The following MIPOL1 variants were observed in gnomAD, a reference collection of about 807,000 sequenced individuals.
The protein encoded by MIPOL1 is mirror-image polydactyly gene 1 protein.
A neutral mutation model predicts 60.9 loss-of-function variants in MIPOL1; 57 were observed. The observed-to-expected ratio is 0.94, with a 90% confidence interval of 0.76 to 1.17. The LOEUF (loss-of-function observed/expected upper bound fraction) is 1.17, where lower values mean the gene tolerates loss of function less well. MIPOL1 is among the 50% of genes most tolerant of loss of function. The probability of loss-of-function intolerance (pLI) is 0.00; values close to 1 mark genes in which losing one functional copy is unlikely to be tolerated. For synonymous variants in MIPOL1, 179 were observed against 168.8 expected (o/e 1.06, Z -0.47); for missense variants, 551 against 511.6 (o/e 1.08, Z -0.74).
chr14:37,298,522 G>A (rs1201907044), intron 7 of MIPOL1, among the ~76,000 whole-genome samples: 5 of 152,088 alleles, frequency 3.3e-5, no homozygotes, highest in Non-Finnish European at 7.4e-5. Flanking sequence ...GCAACCTACA[G>A]AATGGGAGAC....
chr14:37,409,148 C>G (rs1286577302), intron 10 of MIPOL1, among the ~76,000 whole-genome samples: 1 of 152,028 alleles, frequency 6.6e-6, no homozygotes, highest in Non-Finnish European at 1.5e-5. Flanking sequence ...CCAGTTTAGT[C>G]CAGCAGGATT....
At chr14:37,226,361 G>A (rs761532926) in intron 1 of MIPOL1, among the ~76,000 whole-genome samples, 1 of 152,208 alleles carries the variant, frequency 6.6e-6, no homozygotes. Context: ...ACAGTTCCAT[G>A]TGGTGGACTC....
intron 11 of MIPOL1, among the ~76,000 whole-genome samples, chr14:37,477,837 C>T (rs1021367622): frequency 1.1e-4 from 16 of 152,240 alleles, no homozygotes; most frequent in African/African-American, 3.9e-4. Context: ...GCATGAACAG[C>T]AGGTCACTGT....
intron 9 of MIPOL1, among the ~76,000 whole-genome samples, chr14:37,312,796 T>C (rs1054309280): frequency 6.6e-6 from 1 of 152,142 alleles, no homozygotes; most frequent in East Asian, 1.9e-4. Flanking sequence ...TATTCTTTCT[T>C]TATCATTTTT....
At chr14:37,504,859 C>A (rs2095260031) in intron 12 of MIPOL1, 1 of 151,940 alleles carries the variant, frequency 6.6e-6, no homozygotes, top group Non-Finnish European at 1.5e-5. Flanking sequence ...AGACTGCTAG[C>A]CAGACTAATA....
chr14:37,328,031 A>G (rs2089332229), intron 9 of MIPOL1, among the ~76,000 whole-genome samples: 2 of 141,518 alleles, frequency 1.4e-5, no homozygotes, highest in Non-Finnish European at 3.2e-5. Context: ...TTTTTTTTTG[A>G]GACAGAGTTT....
At position 37,549,425 on chromosome 14, in the gene MIPOL1, T is replaced by C. The variant is rs1004840220; in HGVS notation, c.*2454T>C. On this transcript the variant is annotated 3_prime_UTR_variant, in exon 13 of 13. Coordinates refer to ENST00000684589, the MANE Select transcript of MIPOL1 (RefSeq NM_001388067.1). ...TATATAACCCATATAATAACGATGG[T>C]GATGATAATTTTAGTATTACTGTCA... is the stretch of plus-strand genomic sequence containing the variant. The C allele has an allele frequency of 3.3e-5, 5 of 151,762 alleles. No homozygotes were observed. Among genetic ancestry groups the C allele is most frequent in the Non-Finnish European group, 5.9e-5 (4 of 67,728 alleles). 9.4% of individuals were successfully genotyped at this position (151,762 alleles called of 1,614,324 possible).
At chr14:37,295,638 G>C (rs1310803569) in intron 7 of MIPOL1, among the ~76,000 whole-genome samples, 3 of 152,060 alleles carry the variant, frequency 2.0e-5, no homozygotes, top group Admixed American at 6.6e-5. Context: ...AACAAAAAAA[G>C]GCAGGGGTTG....
At chr14:37,219,958 C>T (rs1248657831) in intron 1 of MIPOL1, among the ~76,000 whole-genome samples, 1 of 149,842 alleles carries the variant, frequency 6.7e-6, no homozygotes, top group Non-Finnish European at 1.5e-5. Context: ...GCCACCCCTG[C>T]TTTCTTTTGA....
chr14:37,359,659 A>G (rs796641270), intron 9 of MIPOL1, among the ~76,000 whole-genome samples: 6 of 152,060 alleles, frequency 3.9e-5, no homozygotes, highest in African/African-American at 1.4e-4. Context: ...AATACTTTTG[A>G]TTTTTGCACA....
chr14:37,415,459 TA>T (rs79287318), intron 10 of MIPOL1, among the ~76,000 whole-genome samples: 98 of 144,422 alleles, frequency 6.8e-4, no homozygotes, highest in Admixed American at 5.5e-4. Context: ...CTGTCTCTAC[TA>T]AAAAAAAAAA....
At chr14:37,305,816 G>C (rs1240896358) in intron 7 of MIPOL1, among the ~76,000 whole-genome samples, 1 of 151,706 alleles carries the variant, frequency 6.6e-6, no homozygotes, top group East Asian at 1.9e-4. Flanking sequence ...AATTATATCA[G>C]TTATAAAGAA....
chr14:37,212,433 T>G (rs1966870410), intron 1 of MIPOL1: 1 of 152,204 alleles, frequency 6.6e-6, no homozygotes, highest in African/African-American at 2.4e-5. Context: ...TTGACGGTAG[T>G]CTGGTGGTAC....
At chr14:37,363,211 A>G (rs1289773834) in intron 9 of MIPOL1, among the ~76,000 whole-genome samples, 4 of 152,104 alleles carry the variant, frequency 2.6e-5, no homozygotes, top group Non-Finnish European at 5.9e-5. Context: ...TAGAATTTTC[A>G]GCTTTTCTGC....
chr14:37,504,313 G>A lies in MIPOL1; in HGVS notation c.1262+4175G>A, dbSNP rs1448624290. 4 of 152,126 alleles carry A rather than the reference G, an allele frequency of 2.6e-5. No homozygotes were observed. The East Asian group carries it at 7.7e-4, about 29-fold the overall frequency. 9.4% of individuals were successfully genotyped at this position (152,126 alleles called of 1,614,324 possible). On this transcript the variant is annotated intron_variant, in intron 12 of 12. Coordinates refer to ENST00000684589, the MANE Select transcript of MIPOL1 (RefSeq NM_001388067.1). ...ATCAACAGAATATACTTTCTTCTCA[G>A]CACCACATCACACTTATTCTAAAAC...
chr14:37,476,111 T>A (rs529092176), intron 11 of MIPOL1, among the ~76,000 whole-genome samples: 1 of 152,344 alleles, frequency 6.6e-6, no homozygotes, highest in Non-Finnish European at 1.5e-5. Flanking sequence ...CATATAGATC[T>A]TGTAAATATT....
At chr14:37,317,666 A>G (rs997823492) in intron 9 of MIPOL1, among the ~76,000 whole-genome samples, 6 of 152,196 alleles carry the variant, frequency 3.9e-5, no homozygotes, top group Non-Finnish European at 7.3e-5. Flanking sequence ...TGGTAAGTCC[A>G]TGTATTAGAA....
intron 6 of MIPOL1, among the ~76,000 whole-genome samples, chr14:37,275,775 T>G (rs1347385015): frequency 3.3e-5 from 5 of 151,226 alleles, no homozygotes; most frequent in African/African-American, 1.2e-4. Flanking sequence ...AAAAGCTCAC[T>G]TTAGAGCCTC....
At chr14:37,431,040 A>G (rs1013746236) in intron 11 of MIPOL1, among the ~76,000 whole-genome samples, 15 of 152,344 alleles carry the variant, frequency 9.8e-5, no homozygotes, top group African/African-American at 2.6e-4. Flanking sequence ...TTGTCACTTA[A>G]TGGTTGTGCC....
Sources: gnomAD v4.1 joint callset for allele counts (sites outside exome capture counted in the v4.1 genomes callset) on GRCh38, gnomAD v4.1.1 for gene constraint, MANE v1.5 for transcripts, NCBI Gene and HGNC (gene_info 2026-07-23, HGNC 2026-07-21) for gene names.